Variants in RGS7 observed in about 807,000 individuals in gnomAD.
The protein encoded by RGS7 is regulator of G protein signaling 7.
In RGS7, 27 loss-of-function variants were observed where a neutral mutation model predicts 81.1. That is an observed-to-expected ratio of 0.33 (90% CI 0.25 to 0.46). RGS7 has a LOEUF of 0.46. Ranked by LOEUF, RGS7 falls within the 20% of genes least tolerant of loss-of-function variation. The pLI, the probability that RGS7 is intolerant of heterozygous loss-of-function variation, is 1.00. For missense variants in RGS7, 396 were observed against 607.4 expected (o/e 0.65, Z 3.66); for synonymous variants, 208 against 207.7 (o/e 1.00, Z -0.01).
intron 2 of RGS7, among the ~76,000 whole-genome samples, chr1:241,207,099 G>A (rs1438010409): frequency 1.3e-5 from 2 of 150,198 alleles, no homozygotes; most frequent in African/African-American, 2.4e-5. Flanking sequence ...CTCCCGAGTA[G>A]CTGGGACTAC....
chr1:240,799,390 C>T (rs1385760137), intron 18 of RGS7, among the ~76,000 whole-genome samples: 1 of 147,936 alleles, frequency 6.8e-6, no homozygotes, highest in Non-Finnish European at 1.5e-5. Context: ...AAGGTGGTTG[C>T]TCTTCTTGGT....
intron 2 of RGS7, among the ~76,000 whole-genome samples, chr1:241,318,819 A>C (rs1365742106): frequency 1.3e-5 from 2 of 152,218 alleles, no homozygotes; most frequent in East Asian, 3.8e-4. Flanking sequence ...TTATAAGCAA[A>C]AATGATCAAC....
At chr1:240,890,946 T>G (rs1410595663) in intron 6 of RGS7, among the ~76,000 whole-genome samples, 1 of 152,166 alleles carries the variant, frequency 6.6e-6, no homozygotes, top group Non-Finnish European at 1.5e-5. Flanking sequence ...TGCACCAACC[T>G]AATGCATACT....
At chr1:241,188,888 C>T (rs943321345) in intron 2 of RGS7, among the ~76,000 whole-genome samples, 4 of 152,308 alleles carry the variant, frequency 2.6e-5, no homozygotes, top group East Asian at 1.9e-4. Context: ...TTGAAGGCTT[C>T]GAAATTCAGC....
intron 3 of RGS7, among the ~76,000 whole-genome samples, chr1:241,093,033 G>A (rs1015658166): frequency 6.6e-6 from 1 of 151,962 alleles, no homozygotes; most frequent in African/African-American, 2.4e-5. Flanking sequence ...AAAAAGTAAA[G>A]TTTATCTTCA....
intron 6 of RGS7, among the ~76,000 whole-genome samples, chr1:240,928,764 C>T (rs879473232): frequency 2.0e-5 from 3 of 151,978 alleles, no homozygotes; most frequent in Admixed American, 6.6e-5. Flanking sequence ...CACGCCCTAC[C>T]ACACCCTGGC....
intron 2 of RGS7, among the ~76,000 whole-genome samples, chr1:241,351,605 T>G (rs1006483785): frequency 6.6e-6 from 1 of 152,022 alleles, no homozygotes; most frequent in Non-Finnish European, 1.5e-5. Context: ...AAATAAACAG[T>G]GCAAATTATG....
intron 2 of RGS7, among the ~76,000 whole-genome samples, chr1:241,295,251 A>G (rs375530469): frequency 4.6e-5 from 7 of 151,986 alleles, no homozygotes; most frequent in Non-Finnish European, 1.0e-4. Context: ...GTTCAAGACC[A>G]GCCTGACGAA....
At chr1:241,037,991 C>T (rs2060420649) in intron 3 of RGS7, among the ~76,000 whole-genome samples, 2 of 152,116 alleles carry the variant, frequency 1.3e-5, no homozygotes, top group East Asian at 1.9e-4. Flanking sequence ...GGATAAAAGA[C>T]AGCATTTTGG....
At chr1:241,310,465 G>A (rs1306511819) in intron 2 of RGS7, among the ~76,000 whole-genome samples, 8 of 87,744 alleles carry the variant, frequency 9.1e-5, no homozygotes, top group African/African-American at 2.3e-4. Flanking sequence ...GTGTGAGAGT[G>A]TGTGTGTCTG....
intron 2 of RGS7, among the ~76,000 whole-genome samples, chr1:241,118,676 C>T (rs575899385): frequency 3.9e-5 from 6 of 152,090 alleles, no homozygotes; most frequent in African/African-American, 1.2e-4. Context: ...ATAAAGAAAA[C>T]ATGGTATATA....
chr1:240,954,261 G>C (rs552584745), intron 4 of RGS7, among the ~76,000 whole-genome samples: 1 of 151,962 alleles, frequency 6.6e-6, no homozygotes, highest in African/African-American at 2.4e-5. Context: ...TGTAAAGCCA[G>C]CATTAACTTA....
At chr1:241,121,061 T>C (rs1362070114) in intron 2 of RGS7, among the ~76,000 whole-genome samples, 3 of 152,186 alleles carry the variant, frequency 2.0e-5, no homozygotes, top group Non-Finnish European at 2.9e-5. Context: ...TGGATTATGA[T>C]CTCACTTACT....
chr1:240,857,312 A>C (rs1027706384), intron 9 of RGS7, among the ~76,000 whole-genome samples: 2 of 152,022 alleles, frequency 1.3e-5, no homozygotes, highest in Non-Finnish European at 2.9e-5. Context: ...ATCCCACCCC[A>C]AAGTCCCCTG....
intron 3 of RGS7, among the ~76,000 whole-genome samples, chr1:241,050,372 C>T (rs1177213477): frequency 1.3e-5 from 2 of 152,082 alleles, no homozygotes; most frequent in East Asian, 1.9e-4. Flanking sequence ...GAAAGGGAAA[C>T]AGGAGTAGGC....
chr1:240,860,197 T>C (rs1018037017), intron 9 of RGS7, among the ~76,000 whole-genome samples: 2 of 152,216 alleles, frequency 1.3e-5, no homozygotes, highest in African/African-American at 2.4e-5. Context: ...ATTCTATAGA[T>C]GTCAGTTAGA....
At chr1:241,332,873 T>C (rs2082045770) in intron 2 of RGS7, among the ~76,000 whole-genome samples, 1 of 152,144 alleles carries the variant, frequency 6.6e-6, no homozygotes, top group Non-Finnish European at 1.5e-5. Context: ...TAGGAGGGTG[T>C]CTGACATTGA....
At chr1:241,349,078 C>T (rs1036694165) in intron 2 of RGS7, among the ~76,000 whole-genome samples, 1 of 152,166 alleles carries the variant, frequency 6.6e-6, no homozygotes, top group African/African-American at 2.4e-5. Flanking sequence ...CTATGCAAGA[C>T]ATTTTCCCCA....
At chr1:241,206,265 T>C (rs1270555731) in intron 2 of RGS7, among the ~76,000 whole-genome samples, 2 of 149,962 alleles carry the variant, frequency 1.3e-5, no homozygotes, top group Non-Finnish European at 3.0e-5. Flanking sequence ...AGTTTCGCTC[T>C]GTCACCAGGC....
Sources: gnomAD v4.1 joint callset for allele counts (sites outside exome capture counted in the v4.1 genomes callset) on GRCh38, gnomAD v4.1.1 for gene constraint, MANE v1.5 for transcripts, NCBI Gene and HGNC (gene_info 2026-07-23, HGNC 2026-07-21) for gene names.